EFNA5: variants seen among roughly 807,000 people sequenced by gnomAD.
EFNA5 encodes ephrin A5.
Under a neutral mutation model 22.9 loss-of-function variants are expected in EFNA5, and 5 were observed. The observed-to-expected ratio is 0.22, with a 90% CI of 0.11 to 0.46. The LOEUF (loss-of-function observed/expected upper bound fraction) is 0.46. Ranked by LOEUF, EFNA5 falls within the 20% of genes least tolerant of loss-of-function variation. The pLI, the probability that EFNA5 is intolerant of heterozygous loss-of-function variation, is 0.99. For synonymous variants in EFNA5, 113 were observed against 112.2 expected (o/e 1.01, Z -0.04); for missense variants, 237 against 293.3 (o/e 0.81, Z 1.40).
chr5:107,605,590 C>T (rs1749696118), intron 1 of EFNA5, among the ~76,000 whole-genome samples: 1 of 151,320 alleles, frequency 6.6e-6, no homozygotes, highest in Non-Finnish European at 1.5e-5. Flanking sequence ...GACAATTTCA[C>T]CTTCAAACTC....
chr5:107,529,955 AC>A (rs1747775212), intron 1 of EFNA5, among the ~76,000 whole-genome samples: 1 of 152,240 alleles, frequency 6.6e-6, no homozygotes, highest in South Asian at 2.1e-4. Flanking sequence ...TGCCTTATGT[AC>A]TTTAATCTCA....
chr5:107,610,201 C>T lies in EFNA5; in HGVS notation c.125+60288G>A, dbSNP rs1749800302. Among the ~76,000 whole-genome samples, 4 of 152,342 alleles carry T rather than the reference C, an allele frequency of 2.6e-5. 1 individual carries two copies. In the South Asian group the frequency reaches 8.3e-4, roughly 32 times the overall value. ...CAGAGCAGCCCTTCGAAGAGTTATTCAGGTCACAGGGAAATTACACTTCTT... is the reference window on the plus strand; with the variant it reads ...CAGAGCAGCCCTTCGAAGAGTTATTTAGGTCACAGGGAAATTACACTTCTT... On this transcript the variant is annotated intron_variant, in intron 1 of 4. Coordinates refer to ENST00000333274, the MANE Select transcript of EFNA5 (RefSeq NM_001962.3).
intron 1 of EFNA5, among the ~76,000 whole-genome samples, chr5:107,521,529 T>A (rs1747598479): frequency 6.7e-6 from 1 of 149,842 alleles, no homozygotes; most frequent in African/African-American, 2.5e-5. Context: ...CAGGCTGGTC[T>A]TAAACTCCTA....
chr5:107,488,051 T>TC (rs1295250731), intron 1 of EFNA5, among the ~76,000 whole-genome samples: 2 of 152,202 alleles, frequency 1.3e-5, no homozygotes, highest in East Asian at 3.8e-4. Context: ...TATCAATTAA[T>TC]GTTTTGAGCC....
At chr5:107,532,184 G>A (rs1747827421) in intron 1 of EFNA5, among the ~76,000 whole-genome samples, 1 of 152,184 alleles carries the variant, frequency 6.6e-6, no homozygotes, top group Admixed American at 6.6e-5. Flanking sequence ...TTCTTATCTA[G>A]AAGAAACTGG....
At chr5:107,401,207 A>T (rs1325266066) in intron 2 of EFNA5, among the ~76,000 whole-genome samples, 1 of 152,220 alleles carries the variant, frequency 6.6e-6, no homozygotes, top group Non-Finnish European at 1.5e-5. Context: ...TTAAGTTTTA[A>T]GGAATCATTT....
At chr5:107,643,771 AAG>A (rs1469381828) in intron 1 of EFNA5, among the ~76,000 whole-genome samples, 3 of 152,052 alleles carry the variant, frequency 2.0e-5, no homozygotes, top group African/African-American at 7.2e-5. Flanking sequence ...CCCATCAAAA[AAG>A]AGTCATGTTT....
chr5:107,589,132 A>T (rs1749259037), intron 1 of EFNA5, among the ~76,000 whole-genome samples: 1 of 152,220 alleles, frequency 6.6e-6, no homozygotes, highest in Non-Finnish European at 1.5e-5. Context: ...AAGAGAGTAA[A>T]CTCAAAAAGA....
intron 1 of EFNA5, among the ~76,000 whole-genome samples, chr5:107,459,612 T>C (rs1214614179): frequency 6.6e-6 from 1 of 152,118 alleles, no homozygotes; most frequent in African/African-American, 2.4e-5. Flanking sequence ...GCAAAAATTA[T>C]CTCCTGGAGT....
At chr5:107,456,134 A>G (rs1749693908) in intron 1 of EFNA5, among the ~76,000 whole-genome samples, 1 of 152,192 alleles carries the variant, frequency 6.6e-6, no homozygotes, top group African/African-American at 2.4e-5. Context: ...TTCCACATGG[A>G]GAGGGCTAAT....
intron 1 of EFNA5, among the ~76,000 whole-genome samples, chr5:107,630,356 A>T (rs983103179): frequency 2.0e-5 from 3 of 152,236 alleles, no homozygotes; most frequent in Non-Finnish European, 2.9e-5. Context: ...CCTAGGCTAT[A>T]TGGTATAGCC....
At chr5:107,513,916 G>C (rs571504079) in intron 1 of EFNA5, among the ~76,000 whole-genome samples, 1 of 152,292 alleles carries the variant, frequency 6.6e-6, no homozygotes. Flanking sequence ...AGGATGTTGC[G>C]AGGTAGGCCT....
In EFNA5 at chr5:107,505,047, T is replaced by A. The variant is rs1249165335; in HGVS notation, c.126-77538A>T. Among the ~76,000 whole-genome samples, 3 of 152,258 alleles carry A rather than the reference T, an allele frequency of 2.0e-5. No individual in the cohort carries two copies. The East Asian group carries it at 5.8e-4, about 29-fold the overall frequency. ...TTGTTCTGAAAAACTACTGTGACAT[T>A]AATAATAAAGGACAAGCTCTGTAAA... On this transcript the variant is annotated intron_variant, in intron 1 of 4. Coordinates refer to ENST00000333274, the MANE Select transcript of EFNA5 (RefSeq NM_001962.3).
intron 1 of EFNA5, among the ~76,000 whole-genome samples, chr5:107,437,511 G>C (rs1375705989): frequency 3.9e-5 from 6 of 152,214 alleles, no homozygotes; most frequent in Non-Finnish European, 8.8e-5. Context: ...TCAATGTATA[G>C]ATTTAGAAGA....
chr5:107,616,233 T>C (rs940848087), intron 1 of EFNA5, among the ~76,000 whole-genome samples: 10 of 152,216 alleles, frequency 6.6e-5, no homozygotes, highest in African/African-American at 2.2e-4. Context: ...ATATAATTCA[T>C]GGTCAAGTGT....
At chr5:107,506,258 T>G (rs981671784) in intron 1 of EFNA5, 59 of 152,236 alleles carry the variant, frequency 3.9e-4, no homozygotes, top group African/African-American at 1.4e-3. Context: ...TATAACTATT[T>G]GTCTGCATGT....
intron 2 of EFNA5, among the ~76,000 whole-genome samples, chr5:107,424,107 G>A (rs1460081903): frequency 1.3e-5 from 2 of 151,534 alleles, no homozygotes; most frequent in African/African-American, 4.9e-5. Context: ...CTGAATTTTG[G>A]CACTCCACAG....
At chr5:107,670,362 G>A in intron 1 of EFNA5, 127 bp downstream of exon 1, 1 of 1,261,014 alleles carries the variant, frequency 7.9e-7, no homozygotes, top group Non-Finnish European at 1.0e-6. Context: ...AGCCATCAGC[G>A]CCCGGGCGAC....
intron 1 of EFNA5, among the ~76,000 whole-genome samples, chr5:107,537,553 C>T (rs924612642): frequency 6.6e-6 from 1 of 152,138 alleles, no homozygotes; most frequent in African/African-American, 2.4e-5. Flanking sequence ...GAGCTGAGAT[C>T]GTACCATTGC....
Sources: gnomAD v4.1 joint callset for allele counts (sites outside exome capture counted in the v4.1 genomes callset) on GRCh38, gnomAD v4.1.1 for gene constraint, MANE v1.5 for transcripts, NCBI Gene and HGNC (gene_info 2026-07-23, HGNC 2026-07-21) for gene names.